Variants in SNX18 observed in about 807,000 individuals in gnomAD.
SNX18 encodes sorting nexin 18.
A neutral mutation model predicts 48.7 loss-of-function variants in SNX18; 35 were observed. The ratio of observed to expected loss-of-function variants is 0.72; its 90% CI spans 0.55 to 0.95. The LOEUF (loss-of-function observed/expected upper bound fraction) is 0.95, where lower values mean the gene tolerates loss of function less well. SNX18 is among the 40% of genes least tolerant of loss of function. The pLI is 0.00. For missense variants in SNX18, 824 were observed against 871.0 expected, an observed-to-expected ratio of 0.95 and a Z score of 0.68; for synonymous variants, 492 against 384.7, an observed-to-expected ratio of 1.28 and a Z score of -3.26.
chr5:54,644,573 C>G, the SNX18 span: 1 of 152,120 alleles, frequency 6.6e-6, no homozygotes, highest in African/African-American at 2.4e-5. Context: ...ACATTTCAAG[C>G]CTTCCTTTAG....
At chr5:54,590,046 C>T in the SNX18 span, among the ~76,000 whole-genome samples, 5 of 152,232 alleles carry the variant, frequency 3.3e-5, no homozygotes, top group Non-Finnish European at 7.3e-5. Flanking sequence ...CTGTCTGGAC[C>T]TCCCACAGTG....
the SNX18 span, among the ~76,000 whole-genome samples, chr5:54,640,952 C>G: frequency 6.6e-6 from 1 of 152,020 alleles, no homozygotes; most frequent in African/African-American, 2.4e-5. Context: ...CCCAGATACT[C>G]AGGAAGCTAA....
chr5:54,546,978 G>GA (rs1360831060), downstream of SNX18, among the ~76,000 whole-genome samples: 1 of 152,208 alleles, frequency 6.6e-6, no homozygotes, highest in Admixed American at 6.5e-5. Context: ...ATAGCTACGG[G>GA]ACCTGGCATA....
the SNX18 span, among the ~76,000 whole-genome samples, chr5:54,604,726 T>C: frequency 1.3e-5 from 2 of 152,216 alleles, no homozygotes; most frequent in East Asian, 3.8e-4. Context: ...ATATGCTTAA[T>C]GTCACCGAAT....
At chr5:54,573,135 T>G in the SNX18 span, among the ~76,000 whole-genome samples, 1 of 152,066 alleles carries the variant, frequency 6.6e-6, no homozygotes, top group Non-Finnish European at 1.5e-5. Flanking sequence ...GATAATAATA[T>G]CGATTCTTGC....
At chr5:54,536,625 A>G (rs1457963512) in intron 1 of SNX18, among the ~76,000 whole-genome samples, 3 of 152,140 alleles carry the variant, frequency 2.0e-5, no homozygotes, top group South Asian at 2.1e-4. Context: ...AATCCAGTCT[A>G]TCATTGATGG....
At chr5:54,521,582 T>G (rs1381441261) in intron 1 of SNX18, among the ~76,000 whole-genome samples, 1 of 152,072 alleles carries the variant, frequency 6.6e-6, no homozygotes, top group Non-Finnish European at 1.5e-5. Flanking sequence ...ATACCTATAG[T>G]CCTAGCTACT....
At chr5:54,520,768 C>G (rs942482341) in intron 1 of SNX18, 3 of 167,152 alleles carry the variant, frequency 1.8e-5, no homozygotes, top group African/African-American at 7.2e-5. Context: ...CTTCCCCTTC[C>G]AAATGCGTGA....
At chr5:54,520,380 A>G (rs185912261) in intron 1 of SNX18, 56 of 170,282 alleles carry the variant, frequency 3.3e-4, no homozygotes, top group African/African-American at 1.1e-3. Flanking sequence ...AAAAAAATAT[A>G]TAGCAGTAGT....
rs147339754 is a variant in SNX18 at position 54,537,461 on chromosome 5, C to T, written c.1622-5718C>T. 1.2e-4 allele frequency among the ~76,000 whole-genome samples: 19 copies of T among 152,246 alleles called. No homozygotes were observed. In the East Asian group the frequency reaches 2.1e-3, roughly 17 times the overall value. On this transcript the variant is annotated intron_variant, in intron 1 of 1. Transcript: ENST00000381410. ...CAGTTTCAGTTTACAGTGACATTGT[C>T]GTTGGAAAATGTTTTTCCCTCTGAT...
chr5:54,597,724 G>A, the SNX18 span, among the ~76,000 whole-genome samples: 1 of 152,142 alleles, frequency 6.6e-6, no homozygotes, highest in African/African-American at 2.4e-5. Flanking sequence ...GAATCTCTGG[G>A]ATGCAGCTAA....
At chr5:54,629,347 G>C in the SNX18 span, among the ~76,000 whole-genome samples, 1 of 152,136 alleles carries the variant, frequency 6.6e-6, no homozygotes, top group Non-Finnish European at 1.5e-5. Flanking sequence ...GTGCTGTCAG[G>C]CAAAATGCAA....
the SNX18 span, among the ~76,000 whole-genome samples, chr5:54,587,739 A>AT: frequency 1.3e-5 from 2 of 152,164 alleles, no homozygotes; most frequent in East Asian, 1.9e-4. Context: ...GTACAGCACC[A>AT]TTGCTTTCAA....
the SNX18 span, among the ~76,000 whole-genome samples, chr5:54,621,278 CG>C: frequency 9.2e-5 from 14 of 152,238 alleles, no homozygotes; most frequent in South Asian, 2.7e-3. Context: ...AGTAACTTTG[CG>C]TTCTTGCCAG....
the SNX18 span, among the ~76,000 whole-genome samples, chr5:54,593,445 G>A: frequency 0.012 from 1,900 of 152,256 alleles, 15 homozygotes; most frequent in Non-Finnish European, 0.019. Flanking sequence ...ATTGAAGATT[G>A]AATATTGTTA....
chr5:54,634,361 C>T, the SNX18 span, among the ~76,000 whole-genome samples: 1 of 152,002 alleles, frequency 6.6e-6, no homozygotes, highest in Non-Finnish European at 1.5e-5. Context: ...GAAAGAGGGG[C>T]AGAGTTTAGT....
At chr5:54,595,785 A>G in the SNX18 span, among the ~76,000 whole-genome samples, 260 of 152,326 alleles carry the variant, frequency 1.7e-3, 1 homozygote, top group African/African-American at 4.9e-3. Flanking sequence ...GGAGGCCAAA[A>G]GTCTGAAATA....
At chr5:54,590,586 A>G in the SNX18 span, among the ~76,000 whole-genome samples, 1 of 152,078 alleles carries the variant, frequency 6.6e-6, no homozygotes, top group Non-Finnish European at 1.5e-5. Context: ...CCCCCTACTT[A>G]TACCTGACTA....
At chr5:54,538,528 C>T (rs571898410) in intron 1 of SNX18, among the ~76,000 whole-genome samples, 3 of 152,216 alleles carry the variant, frequency 2.0e-5, no homozygotes, top group East Asian at 3.9e-4. Context: ...AGCACTGATA[C>T]CTTTACTGTT....
Sources: gnomAD v4.1 joint callset for allele counts (sites outside exome capture counted in the v4.1 genomes callset) on GRCh38, gnomAD v4.1.1 for gene constraint, MANE v1.5 for transcripts, NCBI Gene and HGNC (gene_info 2026-07-23, HGNC 2026-07-21) for gene names.